The following MYO18A variants were observed in gnomAD, a reference collection of about 807,000 sequenced individuals.
MYO18A encodes the protein unconventional myosin-XVIIIa.
In MYO18A, 78 loss-of-function variants were observed where a neutral mutation model predicts 235.8. That is an observed-to-expected ratio of 0.33 (90% CI 0.28 to 0.40). MYO18A has a LOEUF of 0.40. Among genes scored for constraint, MYO18A ranks in the 10% least tolerant of loss-of-function variants. The pLI is 1.00. For synonymous variants in MYO18A, 977 were observed against 1,077.8 expected (o/e 0.91, Z 1.83); for missense variants, 2,215 against 2,699.3 (o/e 0.82, Z 3.98).
intron 41 of MYO18A, chr17:29,077,214 CT>C (rs2066003047): frequency 6.6e-6 from 1 of 152,284 alleles, no homozygotes; most frequent in Admixed American, 6.5e-5. Flanking sequence ...GTGGCTTCCA[CT>C]GCTCCAGCCA....
chr17:29,169,811 G>A (rs1161933071), intron 1 of MYO18A, among the ~76,000 whole-genome samples: 1 of 151,988 alleles, frequency 6.6e-6, no homozygotes, highest in Non-Finnish European at 1.5e-5. Flanking sequence ...CCAATTCTCG[G>A]TCTATAATGC....
intron 2 of MYO18A, among the ~76,000 whole-genome samples, chr17:29,136,250 AATATATAT>A (rs1247592713): frequency 0.023 from 1,859 of 82,404 alleles, 33 homozygotes; most frequent in African/African-American, 0.079. Context: ...AAAAAAAAAA[AATATATAT>A]ATATATATAT....
chr17:29,098,756 T>C, intron 23 of MYO18A, 70 bp downstream of exon 23: 1 of 1,578,990 alleles, frequency 6.3e-7, no homozygotes, highest in Non-Finnish European at 8.6e-7. Context: ...AAGAAGCGCC[T>C]GGAAGCCCAA....
chr17:29,138,303 G>A lies in MYO18A; in HGVS notation c.1000-16050C>T, dbSNP rs143590400. ...GAGAGTGCCCAAAGGAAGCTGAGACGTAGCTGGTGGCCGAGGTCACTTTCC... is the reference window on the plus strand; with the variant it reads ...GAGAGTGCCCAAAGGAAGCTGAGACATAGCTGGTGGCCGAGGTCACTTTCC... On this transcript the variant is annotated intron_variant, in intron 2 of 41. Coordinates refer to ENST00000527372, the MANE Select transcript of MYO18A (RefSeq NM_078471.4). Among the ~76,000 whole-genome samples the A allele has an allele frequency of 2.0e-3, 306 of 152,014 alleles. 1 individual carries two copies. The highest frequency in any genetic ancestry group is 6.9e-3 in the African/African-American group (287 of 41,478).
Position 29,166,325 on chromosome 17 carries a change from G to A in MYO18A, c.616C>T (p.Arg206Cys). ...GGCAGGGGCACCACGGGGGGCAGGC[G>A]CAGGTCGACTGGGAACTTTTTAGTC... ...LVTKKFPVDL[R>C]LPPVVPLPPP... is the part of the protein sequence containing the mutation. Residue 206 changes from arginine to cysteine, a missense_variant, in exon 2 of 42, where the codon CGC becomes TGC. Coordinates refer to ENST00000527372, the MANE Select transcript of MYO18A (RefSeq NM_078471.4). 1 of 1,612,392 alleles carries A rather than the reference G, an allele frequency of 6.2e-7. No individual in the cohort carries two copies. Among genetic ancestry groups the A allele is most frequent in the Non-Finnish European group, 8.5e-7 (1 of 1,179,874 alleles).
At chr17:29,116,524 A>G in intron 10 of MYO18A, 69 bp from the exon 11 acceptor site, 1 of 1,602,484 alleles carries the variant, frequency 6.2e-7, no homozygotes, top group Non-Finnish European at 8.5e-7. Context: ...TCATCAATAG[A>G]GCTCGCCGCC....
Position 29,086,459 on chromosome 17 carries a change from T to C in MYO18A, c.5831A>G (p.Glu1944Gly). The change falls in exon 39 of 42, where the codon GAG becomes GGG. Residue 1944 changes from glutamate (E) to glycine (G), a missense_variant. Glu to Gly is a moderately conservative substitution (Grantham distance 98). Transcript: ENST00000527372. The stretch of plus-strand genomic sequence containing the variant: ...TCACCTGTTGATGAGGTCCTCATTC[T>C]CATCACTCTCCATCTCATCCTCAAT... ...AAIEDEMESD[E>G]NEDLINSLQD... The C allele has an allele frequency of 6.2e-7, 1 of 1,606,264 alleles. No homozygotes were observed. Among genetic ancestry groups the C allele is most frequent in the Non-Finnish European group, 8.5e-7 (1 of 1,176,238 alleles).
chr17:29,106,947 G>A lies in MYO18A; in HGVS notation c.3441+133C>T. On this transcript the variant is annotated intron_variant, in intron 20 of 41. Coordinates refer to ENST00000527372, the MANE Select transcript of MYO18A (RefSeq NM_078471.4). This position sits in a 1 kb window ranked among gnomAD's most constrained non-coding sequence, Gnocchi z 4.6. ...GGTCTGGGCCCCAGGACACAGCTGG[G>A]TGCTTCCAAAACTGGGAGCCTGAGC... 2.4e-6 allele frequency: 2 copies of A among 839,444 alleles called. No individual in the cohort carries two copies. The highest frequency in any genetic ancestry group is 3.2e-5 in the South Asian group (2 of 62,272). 52.0% of individuals were successfully genotyped at this position (839,444 alleles called of 1,614,324 possible).
rs770402432 is a variant in MYO18A, at chr17:29,086,593, C to A, written c.5713-16G>T. The A allele has an allele frequency of 3.7e-6, 6 of 1,611,466 alleles. No homozygotes were observed. Among genetic ancestry groups the A allele is most frequent in the Middle Eastern group, 1.7e-4 (1 of 6,016 alleles). On this transcript the variant is annotated splice_polypyrimidine_tract_variant and intron_variant, in intron 38 of 41. Coordinates refer to ENST00000527372, the MANE Select transcript of MYO18A (RefSeq NM_078471.4). ...GATCCATCTCCTAGGAGGAAGGGGG[C>A]AGCCCAGTTTGCAGGAGGGCTAGCT...
rs1185583401 is a variant in MYO18A, at chr17:29,121,969, GGACA to G, written c.1088-16_1088-13del. The G allele has an allele frequency of 1.2e-6, 2 of 1,612,832 alleles. No homozygotes were observed. The highest frequency in any genetic ancestry group is 2.7e-5 in the African/African-American group (2 of 74,884). ...TTTGAGTTGACTGGCTGCAGGGGAG[GGACA>G]GACAGCTGGGATGGGCCTGGGAAGC... On this transcript the variant is annotated splice_polypyrimidine_tract_variant and intron_variant, in intron 3 of 41. Transcript: ENST00000527372. This position sits in a 1 kb window ranked among gnomAD's most constrained non-coding sequence, Gnocchi z 4.2.
intron 1 of MYO18A, among the ~76,000 whole-genome samples, chr17:29,172,470 A>G (rs1286120546): frequency 6.6e-6 from 1 of 152,056 alleles, no homozygotes; most frequent in Non-Finnish European, 1.5e-5. Context: ...GTCTAAAAAA[A>G]AAAAAATTAA....
At chr17:29,098,764 C>G (rs2066584369) in intron 23 of MYO18A, 62 bp downstream of exon 23, 1 of 1,594,480 alleles carries the variant, frequency 6.3e-7, no homozygotes, top group Non-Finnish European at 8.6e-7. Flanking sequence ...CCTGGAAGCC[C>G]AAGATAAACC....
At position 29,111,394 on chromosome 17, in the gene MYO18A, G is replaced by T. The variant is rs349267; in HGVS notation, c.2900+30C>A. 2.5e-6 allele frequency: 4 copies of T among 1,606,832 alleles called. No individual in the cohort carries two copies. In the African/African-American group the frequency reaches 5.3e-5, roughly 21 times the overall value. On this transcript the variant is annotated intron_variant, in intron 17 of 41. Transcript: ENST00000527372. The surrounding 1 kb of genome is among the most constrained non-coding windows in gnomAD (Gnocchi z 5.1). ...CAAAATCAAAACAGTCCTGGGTACA[G>T]AACAGGGGCGGAGGGAGTGGTGGTC...
chr17:29,103,811 G>C (rs1598306198), intron 20 of MYO18A, 147 bp from the exon 21 acceptor site: 1 of 694,268 alleles, frequency 1.4e-6, no homozygotes, highest in East Asian at 2.7e-5. Flanking sequence ...GTCAGGCACT[G>C]GGTTGGACTC....
In MYO18A at chr17:29,074,756, ACCACTC is replaced by A. The variant is rs770722330; in HGVS notation, c.*8_*13del. 3 of 1,613,476 alleles carry A rather than the reference ACCACTC, an allele frequency of 1.9e-6. No individual in the cohort carries two copies. The highest frequency in any genetic ancestry group is 2.5e-6 in the Non-Finnish European group (3 of 1,179,510). On this transcript the variant is annotated 3_prime_UTR_variant, in exon 42 of 42. Transcript: ENST00000527372. This position sits in a 1 kb window ranked among gnomAD's most constrained non-coding sequence, Gnocchi z 4.4. ...AGGCCCTGGGGTGAGAGGGCTGCCA[ACCACTC>A]CCCTGGGCTATGCGTTAGTCTCCGT...
At position 29,074,149 on chromosome 17, in the gene MYO18A, A is replaced by T. The variant is rs549175797; in HGVS notation, c.*621T>A. The T allele has an allele frequency of 1.2e-6, 2 of 1,613,644 alleles. No individual in the cohort carries two copies. The highest frequency in any genetic ancestry group is 4.5e-5 in the East Asian group (2 of 44,858). On this transcript the variant is annotated 3_prime_UTR_variant, in exon 42 of 42. Transcript: ENST00000527372. This position sits in a 1 kb window ranked among gnomAD's most constrained non-coding sequence, Gnocchi z 4.4. ...CCCGGCTCTCCTCACCAGCGTCTCC[A>T]GCTGCACAGAGAAAGGACTGCTCTC...
chr17:29,122,150 AC>A lies in MYO18A; in HGVS notation c.1087+15del. ...AGTGAGTCCTGACATGTGCCCCCAG[AC>A]CCTCTGAGACTCACCCAGTGAGAAG... On this transcript the variant is annotated intron_variant, in intron 3 of 41. Transcript: ENST00000527372. The A allele has an allele frequency of 1.2e-6, 2 of 1,608,102 alleles. No homozygotes were observed. Among genetic ancestry groups the A allele is most frequent in the African/African-American group, 1.3e-5 (1 of 74,800 alleles).
At position 29,158,720 on chromosome 17, in the gene MYO18A, G is replaced by A. The variant is rs560467915; in HGVS notation, c.999+7222C>T. Among the ~76,000 whole-genome samples the A allele has an allele frequency of 1.4e-3, 218 of 152,322 alleles. No homozygotes were observed. Among genetic ancestry groups the A allele is most frequent in the African/African-American group, 4.9e-3 (205 of 41,582 alleles). On this transcript the variant is annotated intron_variant, in intron 2 of 41. Coordinates refer to ENST00000527372, the MANE Select transcript of MYO18A (RefSeq NM_078471.4). The surrounding 1 kb of genome is among the most constrained non-coding windows in gnomAD (Gnocchi z 4.3). Reference sequence around the variant, plus strand: ...AGCTTAGTGCATTGGGGTGGCGGGAGCCCTGCTGGCAGGCAGCGCGTGCCT... The same window carrying A: ...AGCTTAGTGCATTGGGGTGGCGGGAACCCTGCTGGCAGGCAGCGCGTGCCT...
In MYO18A at chr17:29,073,617, A is replaced by G; in HGVS notation, c.*1153T>C. On this transcript the variant is annotated 3_prime_UTR_variant, in exon 42 of 42. Coordinates refer to ENST00000527372, the MANE Select transcript of MYO18A (RefSeq NM_078471.4). The stretch of plus-strand genomic sequence containing the variant: ...AATTGCAGGAGAGAAGGGGGGCGGC[A>G]GATGGGAGCAGCACCAGGCACTGCA... The G allele has an allele frequency of 2.1e-6, 1 of 465,700 alleles. No individual in the cohort carries two copies. The highest frequency in any genetic ancestry group is 3.8e-6 in the Non-Finnish European group (1 of 262,850). The allele number at this position is 465,700 out of a possible 1,614,324, so 28.8% of individuals were successfully genotyped here.
Sources: gnomAD v4.1 joint callset for allele counts (sites outside exome capture counted in the v4.1 genomes callset) on GRCh38, gnomAD v4.1.1 for gene constraint, Gnocchi (gnomAD v3.1) non-coding constraint, MANE v1.5 for transcripts, NCBI Gene and HGNC (gene_info 2026-07-23, HGNC 2026-07-21) for gene names.